MYO16: variants seen among roughly 807,000 people sequenced by gnomAD.
The protein encoded by MYO16 is myosin XVI.
Under a neutral mutation model 205.3 loss-of-function variants are expected in MYO16, and 94 were observed. That is an observed-to-expected ratio of 0.46 (90% confidence interval 0.39 to 0.54). The LOEUF (loss-of-function observed/expected upper bound fraction) is 0.54. Among genes scored for constraint, MYO16 ranks in the 20% least tolerant of loss-of-function variants. The pLI, the probability that MYO16 is intolerant of heterozygous loss-of-function variation, is 0.00. For synonymous variants in MYO16, 988 were observed against 954.0 expected (o/e 1.04, Z -0.66); for missense variants, 2,315 against 2,387.5 (o/e 0.97, Z 0.63).
the MYO16 span, among the ~76,000 whole-genome samples, chr13:108,558,708 G>T: frequency 6.6e-6 from 1 of 152,132 alleles, no homozygotes; most frequent in African/African-American, 2.4e-5. Flanking sequence ...GCTGCCTCCT[G>T]TAACTTACAC....
At chr13:108,800,012 A>T (rs1001223600) in intron 6 of MYO16, among the ~76,000 whole-genome samples, 1 of 151,816 alleles carries the variant, frequency 6.6e-6, no homozygotes, top group Non-Finnish European at 1.5e-5. Flanking sequence ...TTTGGATCCC[A>T]CCCGCCCGCC....
At chr13:108,567,992 A>G in the MYO16 span, among the ~76,000 whole-genome samples, 1 of 152,164 alleles carries the variant, frequency 6.6e-6, no homozygotes. Flanking sequence ...TTGTTCACTT[A>G]GTATAATGTT....
At chr13:109,012,779 G>GTATATATATA (rs113007743) in intron 22 of MYO16, among the ~76,000 whole-genome samples, 334 of 146,646 alleles carry the variant, frequency 2.3e-3, no homozygotes, top group African/African-American at 7.2e-3. Flanking sequence ...ATGTGTGTGT[G>GTATATATATA]TATATATATA....
At chr13:109,000,680 C>T (rs556588643) in intron 21 of MYO16, among the ~76,000 whole-genome samples, 66 of 152,112 alleles carry the variant, frequency 4.3e-4, no homozygotes, top group African/African-American at 1.3e-3. Context: ...AAAATAAGAG[C>T]ATTTTAACCA....
chr13:108,916,211 T>C (rs1254432561), intron 16 of MYO16, among the ~76,000 whole-genome samples: 2 of 152,232 alleles, frequency 1.3e-5, no homozygotes, highest in Non-Finnish European at 2.9e-5. Flanking sequence ...GTCACAGTCA[T>C]GATCAGCACA....
At chr13:108,935,034 A>G (rs1882419057) in intron 16 of MYO16, among the ~76,000 whole-genome samples, 1 of 152,166 alleles carries the variant, frequency 6.6e-6, no homozygotes, top group Non-Finnish European at 1.5e-5. Flanking sequence ...GCCTTAGAGT[A>G]TAGTATGAAC....
At chr13:108,844,917 T>C (rs1018893219) in intron 10 of MYO16, among the ~76,000 whole-genome samples, 1 of 152,132 alleles carries the variant, frequency 6.6e-6, no homozygotes, top group South Asian at 2.1e-4. Flanking sequence ...TGCATGTGTA[T>C]CTGTACGTGT....
chr13:108,851,089 A>G (rs1485828252), intron 10 of MYO16, among the ~76,000 whole-genome samples: 2 of 152,172 alleles, frequency 1.3e-5, no homozygotes, highest in East Asian at 3.9e-4. Flanking sequence ...AGCATAAATC[A>G]TTACTCCTGA....
intron 34 of MYO16, among the ~76,000 whole-genome samples, chr13:109,189,056 TG>T (rs1252972174): frequency 2.0e-5 from 3 of 151,708 alleles, no homozygotes; most frequent in African/African-American, 7.3e-5. Flanking sequence ...ACAGTGTAAT[TG>T]TACTTCAGCC....
chr13:108,822,796 G>A (rs1876051378), intron 8 of MYO16, among the ~76,000 whole-genome samples: 1 of 152,076 alleles, frequency 6.6e-6, no homozygotes, highest in Non-Finnish European at 1.5e-5. Context: ...TCGCCAAGAT[G>A]CAGGACAAGT....
intron 2 of MYO16, among the ~76,000 whole-genome samples, chr13:108,698,961 A>T (rs1326131949): frequency 6.6e-6 from 1 of 152,126 alleles, no homozygotes; most frequent in Non-Finnish European, 1.5e-5. Context: ...TAAGTGCCAC[A>T]AACAGCACTG....
At chr13:108,654,994 G>T (rs1881178455) in intron 1 of MYO16, among the ~76,000 whole-genome samples, 2 of 152,186 alleles carry the variant, frequency 1.3e-5, no homozygotes, top group Non-Finnish European at 2.9e-5. Context: ...CAGAGCATAA[G>T]AGTTCAGAAA....
At chr13:108,519,633 A>C in the MYO16 span, among the ~76,000 whole-genome samples, 1 of 148,642 alleles carries the variant, frequency 6.7e-6, no homozygotes, top group Non-Finnish European at 1.5e-5. Context: ...AAATACACAC[A>C]CACACACACA....
chr13:109,122,028 G>T (rs927146563), intron 29 of MYO16, among the ~76,000 whole-genome samples: 3 of 152,154 alleles, frequency 2.0e-5, no homozygotes, highest in African/African-American at 7.2e-5. Flanking sequence ...TGCATGTTTG[G>T]CCCTGCCCCA....
chr13:108,873,816 A>C (rs2139144648), intron 12 of MYO16, among the ~76,000 whole-genome samples: 1 of 152,318 alleles, frequency 6.6e-6, no homozygotes, highest in Non-Finnish European at 1.5e-5. Context: ...ACCAACCAGG[A>C]CAGGGTCCAT....
chr13:109,199,677 G>A (rs147163001), intron 34 of MYO16, among the ~76,000 whole-genome samples: 22 of 152,200 alleles, frequency 1.4e-4, no homozygotes, highest in Non-Finnish European at 2.8e-4. Flanking sequence ...CCAAACTCAC[G>A]CTGCCAGCAG....
chr13:108,505,175 G>C, the MYO16 span, among the ~76,000 whole-genome samples: 4 of 152,142 alleles, frequency 2.6e-5, no homozygotes, highest in Admixed American at 2.6e-4. Flanking sequence ...AAAACCCAAA[G>C]AAGTAGGATT....
rs145535449 is a variant in MYO16 at position 108,780,627 on chromosome 13, G to A, written c.508-5008G>A. 3.0e-3 allele frequency among the ~76,000 whole-genome samples: 461 copies of A among 152,280 alleles called. 2 individuals are homozygous for A. Among genetic ancestry groups the A allele is most frequent in the African/African-American group, 7.2e-3 (299 of 41,546 alleles). ...GAAAATTTAGTTAAAAAGAATTGCC[G>A]TACAAATTATAATTCTTTGCCTTAA... On this transcript the variant is annotated intron_variant, in intron 4 of 34. Coordinates refer to ENST00000457511, the MANE Select transcript of MYO16 (RefSeq NM_001198950.3).
intron 4 of MYO16, among the ~76,000 whole-genome samples, chr13:108,728,862 C>T (rs2139587030): frequency 6.6e-6 from 1 of 152,274 alleles, no homozygotes; most frequent in Non-Finnish European, 1.5e-5. Context: ...TTCCCCCCCT[C>T]TTAAAATTCT....
Sources: allele counts gnomAD v4.1 joint callset (sites outside exome capture counted in the v4.1 genomes callset), GRCh38; gene constraint gnomAD v4.1.1; transcripts MANE v1.5; gene names NCBI Gene and HGNC (gene_info 2026-07-23, HGNC 2026-07-21).